RNF17: variants seen among roughly 807,000 people sequenced by gnomAD.
RNF17 encodes spermatogenesis associated 23.
RNF17 carries 31 observed loss-of-function variants against 200.5 expected under a neutral mutation model. The observed-to-expected ratio is 0.15, with a 90% CI of 0.12 to 0.21. The LOEUF (loss-of-function observed/expected upper bound fraction) is 0.21. Ranked by LOEUF, RNF17 falls within the 10% of genes least tolerant of loss-of-function variation. The pLI is 1.00. For synonymous variants in RNF17, 606 were observed against 637.8 expected, an observed-to-expected ratio of 0.95 and a Z score of 0.75; for missense variants, 1,628 against 1,905.1, an observed-to-expected ratio of 0.85 and a Z score of 2.71.
Position 24,788,157 on chromosome 13 carries a change from C to A in RNF17, c.781C>A (p.Gln261Lys). Reference protein sequence around the residue: ...PSLRTYCDLNQIIRTLQLTSD... With the variant: ...PSLRTYCDLNKIIRTLQLTSD... Reference sequence around the variant, plus strand: ...TCTAAGAACATACTGTGACCTGAATCAGGTAATTTAATAGTTCACAATGTG... The same window carrying A: ...TCTAAGAACATACTGTGACCTGAATAAGGTAATTTAATAGTTCACAATGTG... Residue 261 changes from glutamine to lysine, a missense_variant and splice_region_variant, in exon 7 of 36, where the codon CAG becomes AAG. By Grantham distance (53) the Gln-to-Lys change is moderately conservative. Around this residue, in one of 5 missense-constraint regions of RNF17, gnomAD observed 502 missense variants for 501.7 expected, o/e 1.00. Transcript: ENST00000255324. The A allele has an allele frequency of 6.3e-7, 1 of 1,578,052 alleles. No individual in the cohort carries two copies. Among genetic ancestry groups the A allele is most frequent in the South Asian group, 1.2e-5 (1 of 83,090 alleles).
Position 24,866,164 on chromosome 13 carries a change from TA to T in RNF17, c.4127del (p.Lys1376SerfsTer9). 1 of 1,552,886 alleles carries T rather than the reference TA, an allele frequency of 6.4e-7. No homozygotes were observed. The highest frequency in any genetic ancestry group is 8.9e-7 in the Non-Finnish European group (1 of 1,127,556). ...LKEKPRSDHD[K>X]KYEEEQWEIR... ...TTCAGAAACCAAGATCAGATCATGA[TA>T]AAAAGTATGAAGAGGAACAATGGGA... On this transcript the variant is annotated frameshift_variant, in exon 30 of 36. Coordinates refer to ENST00000255324, the MANE Select transcript of RNF17 (RefSeq NM_031277.3). LOFTEE classifies it high-confidence loss of function.
the RNF17 span, among the ~76,000 whole-genome samples, chr13:24,753,362 AAACAATCTAGC>A: frequency 6.6e-6 from 1 of 152,224 alleles, no homozygotes; most frequent in Non-Finnish European, 1.5e-5. Context: ...GATACTTAAT[AAACAATCTAGC>A]ATCACACATG....
intron 3 of RNF17, among the ~76,000 whole-genome samples, chr13:24,776,849 C>T (rs575766992): frequency 6.6e-6 from 1 of 152,178 alleles, no homozygotes; most frequent in African/African-American, 2.4e-5. Context: ...AAGACAAACT[C>T]GAGATCTGTA....
chr13:24,751,747 T>G, the RNF17 span: 1 of 152,208 alleles, frequency 6.6e-6, no homozygotes, highest in Non-Finnish European at 1.5e-5. Flanking sequence ...CATTCTTTGA[T>G]GCTTCTGGAT....
In RNF17 at chr13:24,875,257, CT is replaced by C. The variant is rs550511953; in HGVS notation, c.4583+1010del. Reference sequence around the variant, plus strand: ...AACAAACATTAAATTTATGGTGAAGCTTGGGTGGAGGAATGGTGATATCATT... The same window carrying C: ...AACAAACATTAAATTTATGGTGAAGCTGGGTGGAGGAATGGTGATATCATT... On this transcript the variant is annotated intron_variant, in intron 33 of 35. Coordinates refer to ENST00000255324, the MANE Select transcript of RNF17 (RefSeq NM_031277.3). Among the ~76,000 whole-genome samples the C allele has an allele frequency of 5.1e-3, 769 of 152,202 alleles. 3 individuals carry two copies. Among genetic ancestry groups the C allele is most frequent in the Non-Finnish European group, 8.2e-3 (559 of 68,018 alleles).
chr13:24,881,938 A>C (rs199735395), downstream of RNF17, among the ~76,000 whole-genome samples: 654 of 61,366 alleles, frequency 0.011, 98 homozygotes, highest in East Asian at 0.029. Context: ...ATATAGATAC[A>C]TCTATATAGA....
the RNF17 span, chr13:24,751,370 T>G: frequency 6.6e-6 from 1 of 151,962 alleles, no homozygotes; most frequent in African/African-American, 2.4e-5. Flanking sequence ...TTATTTTCAC[T>G]TTTCTCAGGC....
intron 32 of RNF17, among the ~76,000 whole-genome samples, chr13:24,871,383 G>C (rs1894231763): frequency 6.6e-6 from 1 of 152,160 alleles, no homozygotes; most frequent in Non-Finnish European, 1.5e-5. Context: ...TGTCGCCCAA[G>C]CTGGAGTGCA....
intron 7 of RNF17, 71 bp downstream of exon 7, chr13:24,788,230 G>T: frequency 8.2e-7 from 1 of 1,217,400 alleles, no homozygotes; most frequent in Non-Finnish European, 1.2e-6. Flanking sequence ...ATATATTTAA[G>T]ACAAGAATTT....
intron 15 of RNF17, among the ~76,000 whole-genome samples, chr13:24,811,014 G>T (rs1886539174): frequency 6.6e-6 from 1 of 152,224 alleles, no homozygotes. Flanking sequence ...GAGATCCACT[G>T]TTAGTCTGAG....
intron 15 of RNF17, among the ~76,000 whole-genome samples, chr13:24,811,900 C>T (rs1002805670): frequency 6.6e-6 from 1 of 151,998 alleles, no homozygotes; most frequent in African/African-American, 2.4e-5. Flanking sequence ...AGTACCCGGC[C>T]GTGTGAGGTG....
In RNF17 at chr13:24,859,242, G is replaced by A. The variant is rs1301519823; in HGVS notation, c.3774+78G>A. 4 of 1,030,974 alleles carry A rather than the reference G, an allele frequency of 3.9e-6. No individual in the cohort carries two copies. The African/African-American group carries it at 6.4e-5, about 17-fold the overall frequency. The allele number at this position is 1,030,974 out of a possible 1,614,324, so 63.9% of individuals were successfully genotyped here. A position where few individuals can be genotyped will look rare whatever the true frequency, so the allele number is the denominator to read the frequency against. On this transcript the variant is annotated intron_variant, in intron 26 of 35. Coordinates refer to ENST00000255324, the MANE Select transcript of RNF17 (RefSeq NM_031277.3). ...AATAGTCTTGTGCATTTGAACACGAGAAAGTTGGATTAAAACATCTTTTGA... is the reference window on the plus strand; with the variant it reads ...AATAGTCTTGTGCATTTGAACACGAAAAAGTTGGATTAAAACATCTTTTGA...
intron 3 of RNF17, among the ~76,000 whole-genome samples, chr13:24,775,524 T>TA (rs1272906413): frequency 6.6e-6 from 1 of 152,202 alleles, no homozygotes; most frequent in Non-Finnish European, 1.5e-5. Flanking sequence ...GTGCTGGAAT[T>TA]ACAGCCGTGA....
chr13:24,821,908 A>G (rs1003635018), intron 15 of RNF17, among the ~76,000 whole-genome samples: 1 of 152,208 alleles, frequency 6.6e-6, no homozygotes, highest in Non-Finnish European at 1.5e-5. Context: ...AAGAAAGTTA[A>G]GGACACGGAC....
chr13:24,823,363 C>T (rs898099418), intron 15 of RNF17, among the ~76,000 whole-genome samples: 8 of 152,194 alleles, frequency 5.3e-5, no homozygotes, highest in South Asian at 2.1e-4. Flanking sequence ...TGAGCCACCA[C>T]GCCCGGCCAA....
chr13:24,855,046 A>G (rs1304528274), intron 25 of RNF17, among the ~76,000 whole-genome samples: 1 of 152,132 alleles, frequency 6.6e-6, no homozygotes, highest in African/African-American at 2.4e-5. Flanking sequence ...TAGGTTTTCC[A>G]TCTTTCAAAC....
chr13:24,755,788 TA>T, the RNF17 span, among the ~76,000 whole-genome samples: 18 of 152,132 alleles, frequency 1.2e-4, no homozygotes, highest in Non-Finnish European at 1.8e-4. Flanking sequence ...CTACAGGTCA[TA>T]AAAAAATTGC....
At position 24,801,561 on chromosome 13, in the gene RNF17, T is replaced by C. The variant is rs139607721; in HGVS notation, c.1759-820T>C. On this transcript the variant is annotated intron_variant, in intron 13 of 35. Coordinates refer to ENST00000255324, the MANE Select transcript of RNF17 (RefSeq NM_031277.3). Reference sequence around the variant, plus strand: ...TCTCTTGAGCTTGGGAGGCGGAGATTGCATGAGCTGAGATTATGCCACTGC... The same window carrying C: ...TCTCTTGAGCTTGGGAGGCGGAGATCGCATGAGCTGAGATTATGCCACTGC... Among the ~76,000 whole-genome samples, 471 of 152,198 alleles carry C rather than the reference T, an allele frequency of 3.1e-3. 1 individual carries two copies. The highest frequency in any genetic ancestry group is 0.01 in the African/African-American group (436 of 41,530).
chr13:24,762,312 T>C (rs1410950708), upstream of RNF17, among the ~76,000 whole-genome samples: 1 of 141,166 alleles, frequency 7.1e-6, no homozygotes, highest in Non-Finnish European at 1.5e-5. Flanking sequence ...AAGGTTGCAG[T>C]GAGCTGAGAT....
Sources: gnomAD v4.1 joint callset for allele counts (sites outside exome capture counted in the v4.1 genomes callset) on GRCh38, gnomAD v4.1.1 for gene constraint, gnomAD v4.1.1 regional missense constraint, MANE v1.5 for transcripts, NCBI Gene and HGNC (gene_info 2026-07-23, HGNC 2026-07-21) for gene names.